Variants in FHOD3 observed in about 807,000 individuals in gnomAD.
The protein encoded by FHOD3 is FH1/FH2 domain-containing protein 3.
A neutral mutation model predicts 173.0 loss-of-function variants in FHOD3; 90 were observed. That is an observed-to-expected ratio of 0.52 (90% confidence interval 0.44 to 0.62). The LOEUF is 0.62. FHOD3 is among the 20% of genes least tolerant of loss of function. The pLI is 0.00. For missense variants in FHOD3, 1,945 were observed against 2,034.7 expected, an observed-to-expected ratio of 0.96 and a Z score of 0.85; for synonymous variants, 828 against 823.0, an observed-to-expected ratio of 1.01 and a Z score of -0.10.
At chr18:36,546,183 G>A (rs895321393) in intron 5 of FHOD3, among the ~76,000 whole-genome samples, 1 of 152,222 alleles carries the variant, frequency 6.6e-6, no homozygotes, top group Non-Finnish European at 1.5e-5. Context: ...TTCCACCGCA[G>A]TTCATCTTGA....
intron 18 of FHOD3, among the ~76,000 whole-genome samples, chr18:36,713,117 A>G (rs776555200): frequency 2.0e-5 from 3 of 152,232 alleles, no homozygotes; most frequent in Non-Finnish European, 4.4e-5. Context: ...AAGAATTACT[A>G]CCGGAGGTTC....
chr18:36,565,357 T>C (rs2058227263), intron 5 of FHOD3, among the ~76,000 whole-genome samples: 1 of 152,226 alleles, frequency 6.6e-6, no homozygotes, highest in Non-Finnish European at 1.5e-5. Flanking sequence ...AGTTTTGTTT[T>C]GTTTTTCTCT....
At chr18:36,623,738 G>A (rs1424954125) in intron 9 of FHOD3, among the ~76,000 whole-genome samples, 1 of 152,190 alleles carries the variant, frequency 6.6e-6, no homozygotes, top group African/African-American at 2.4e-5. Context: ...GTTATAAGAT[G>A]TATCTGGCAT....
At chr18:36,452,282 T>C (rs2051904003) in intron 3 of FHOD3, among the ~76,000 whole-genome samples, 1 of 152,176 alleles carries the variant, frequency 6.6e-6, no homozygotes, top group Non-Finnish European at 1.5e-5. Flanking sequence ...CTTGGAGAAT[T>C]AATGATGAGT....
At chr18:36,531,606 A>T (rs1249679318) in intron 5 of FHOD3, among the ~76,000 whole-genome samples, 1 of 152,338 alleles carries the variant, frequency 6.6e-6, no homozygotes, top group East Asian at 1.9e-4. Flanking sequence ...CTAAGATTAC[A>T]TGGACTCACT....
rs1020881591 is a variant in FHOD3, at chr18:36,740,762, C to G, written c.3683C>G (p.Thr1228Ser). ...GGCAGTGCAGAGCAGTTCCTCCTCA[C>G]CCTGTCCTCCATCAGCGAGCTCTCT... Reference protein sequence around the residue: ...PLGSAEQFLLTLSSISELSAR... With the variant: ...PLGSAEQFLLSLSSISELSAR... The change falls in exon 21 of 29, where the codon ACC (threonine) becomes AGC (serine). Residue 1228 changes from threonine (T) to serine (S), a missense_variant. This residue lies in a region of FHOD3 where 231 missense variants were observed against 321.9 expected (regional missense o/e 0.72). Transcript: ENST00000590592. The G allele has an allele frequency of 4.3e-6, 7 of 1,613,962 alleles. No individual in the cohort carries two copies. In the African/African-American group the frequency reaches 9.3e-5, roughly 22 times the overall value.
chr18:36,483,509 A>G (rs1374024031), intron 3 of FHOD3, among the ~76,000 whole-genome samples: 1 of 152,168 alleles, frequency 6.6e-6, no homozygotes, highest in Non-Finnish European at 1.5e-5. Flanking sequence ...CTGAGTATTG[A>G]AGAACGTGTA....
chr18:36,327,041 T>TA (rs2044707902), intron 1 of FHOD3, among the ~76,000 whole-genome samples: 1 of 152,214 alleles, frequency 6.6e-6, no homozygotes, highest in African/African-American at 2.4e-5. Context: ...CTTTCAGTGA[T>TA]ATCTCTGTAA....
At chr18:36,424,140 T>C (rs2050128105) in intron 3 of FHOD3, among the ~76,000 whole-genome samples, 1 of 152,170 alleles carries the variant, frequency 6.6e-6, no homozygotes, top group Non-Finnish European at 1.5e-5. Flanking sequence ...CCCATCCACA[T>C]GTGGAGTTCC....
chr18:36,741,374 T>TC (rs2041894148), intron 21 of FHOD3, among the ~76,000 whole-genome samples: 1 of 152,168 alleles, frequency 6.6e-6, no homozygotes, highest in Non-Finnish European at 1.5e-5. Flanking sequence ...TGGGAGTTTT[T>TC]CGCAGGCTGA....
chr18:36,645,967 A>C (rs1349527587), intron 10 of FHOD3, among the ~76,000 whole-genome samples: 1 of 152,196 alleles, frequency 6.6e-6, no homozygotes, highest in Non-Finnish European at 1.5e-5. Context: ...TCTACCAAAA[A>C]AATCTATGAC....
chr18:36,364,472 T>C (rs1488961586), intron 2 of FHOD3, among the ~76,000 whole-genome samples: 1 of 152,202 alleles, frequency 6.6e-6, no homozygotes, highest in Non-Finnish European at 1.5e-5. Flanking sequence ...CAGTGAATAG[T>C]GGGCTGTATC....
chr18:36,313,885 G>A (rs1224322913), intron 1 of FHOD3, among the ~76,000 whole-genome samples: 2 of 150,900 alleles, frequency 1.3e-5, no homozygotes, highest in South Asian at 2.1e-4. Context: ...CGAATAATTT[G>A]TCTTTTTTTT....
In FHOD3 at chr18:36,760,731, G is replaced by A. The variant is rs1324064274; in HGVS notation, c.4573G>A (p.Glu1525Lys). Residue 1525 changes from glutamate to lysine, a missense_variant, in exon 27 of 29, where the codon GAG (glutamate) becomes AAG (lysine). Glu to Lys is a moderately conservative substitution (Grantham distance 56). This residue lies in a region of FHOD3 where 354 missense variants were observed against 359.9 expected (regional missense o/e 0.98). Coordinates refer to ENST00000590592, the MANE Select transcript of FHOD3 (RefSeq NM_001281740.3). ...GCTGAAAACCTCGTCCCCCTCCGTGGAGGACGCCACCCCCGCGCTGGGCGT... is the reference window on the plus strand; with the variant it reads ...GCTGAAAACCTCGTCCCCCTCCGTGAAGGACGCCACCCCCGCGCTGGGCGT... ...AVLKTSSPSV[E>K]DATPALGVRT... 1 of 1,612,856 alleles carries A rather than the reference G, an allele frequency of 6.2e-7. No homozygotes were observed. Among genetic ancestry groups the A allele is most frequent in the Admixed American group, 1.7e-5 (1 of 59,986 alleles).
At chr18:36,364,687 C>G (rs2046808585) in intron 2 of FHOD3, among the ~76,000 whole-genome samples, 1 of 152,170 alleles carries the variant, frequency 6.6e-6, no homozygotes, top group South Asian at 2.1e-4. Context: ...GTGGAATATA[C>G]ATTGTCACTC....
chr18:36,546,520 T>C (rs2057415506), intron 5 of FHOD3, among the ~76,000 whole-genome samples: 1 of 152,192 alleles, frequency 6.6e-6, no homozygotes, highest in Non-Finnish European at 1.5e-5. Context: ...AATCTTTTGT[T>C]TTCTTCAGAG....
chr18:36,750,474 A>C (rs1018363219), intron 24 of FHOD3, among the ~76,000 whole-genome samples: 18 of 152,182 alleles, frequency 1.2e-4, no homozygotes, highest in African/African-American at 4.3e-4. Context: ...TGCTGTGCAG[A>C]ACTTCTTAAA....
chr18:36,331,979 A>G (rs2045039260), intron 1 of FHOD3, among the ~76,000 whole-genome samples: 1 of 152,110 alleles, frequency 6.6e-6, no homozygotes, highest in Admixed American at 6.5e-5. Flanking sequence ...AGGGGCTGTG[A>G]GGTTGCTGAA....
rs1206196491 is a variant in FHOD3, at chr18:36,535,508, G to C, written c.511+22965G>C. On this transcript the variant is annotated intron_variant, in intron 5 of 28. Coordinates refer to ENST00000590592, the MANE Select transcript of FHOD3 (RefSeq NM_001281740.3). ...GGGCCACTGAGGGAAGCATTCAGCAGGAATCCTTTAATCAGGTCCAGTGTT... is the reference window on the plus strand; with the variant it reads ...GGGCCACTGAGGGAAGCATTCAGCACGAATCCTTTAATCAGGTCCAGTGTT... Among the ~76,000 whole-genome samples, 4 of 152,304 alleles carry C rather than the reference G, an allele frequency of 2.6e-5. No individual in the cohort carries two copies. In the East Asian group the frequency reaches 7.7e-4, roughly 29 times the overall value.
Sources: gnomAD v4.1 joint callset for allele counts (sites outside exome capture counted in the v4.1 genomes callset) on GRCh38, gnomAD v4.1.1 for gene constraint, gnomAD v4.1.1 regional missense constraint, MANE v1.5 for transcripts, NCBI Gene and HGNC (gene_info 2026-07-23, HGNC 2026-07-21) for gene names.